ZNF804B: variants seen among roughly 807,000 people sequenced by gnomAD.
The protein encoded by ZNF804B is zinc finger 804B.
A neutral mutation model predicts 101.4 loss-of-function variants in ZNF804B; 80 were observed. The ratio of observed to expected loss-of-function variants is 0.79; its 90% CI spans 0.66 to 0.95. The LOEUF (loss-of-function observed/expected upper bound fraction) is 0.95. Ranked by LOEUF, ZNF804B falls within the 40% of genes least tolerant of loss-of-function variation. ZNF804B has a pLI of 0.00. For missense variants in ZNF804B, 1,673 were observed against 1,561.9 expected (o/e 1.07, Z -1.20); for synonymous variants, 622 against 558.8 (o/e 1.11, Z -1.59).
At chr7:88,844,949 T>C (rs1791346689) in intron 1 of ZNF804B, among the ~76,000 whole-genome samples, 1 of 152,196 alleles carries the variant, frequency 6.6e-6, no homozygotes, top group Non-Finnish European at 1.5e-5. Flanking sequence ...TTTGTGGATC[T>C]GCGAGCTGGA....
chr7:88,815,103 A>C (rs1483090284), intron 1 of ZNF804B, among the ~76,000 whole-genome samples: 1 of 148,576 alleles, frequency 6.7e-6, no homozygotes, highest in Non-Finnish European at 1.5e-5. Context: ...TGTATTATGT[A>C]TATTCTCACA....
chr7:88,909,129 A>T (rs1186060769), intron 1 of ZNF804B, among the ~76,000 whole-genome samples: 1 of 151,838 alleles, frequency 6.6e-6, no homozygotes, highest in African/African-American at 2.4e-5. Context: ...CATATTAAAT[A>T]CAGGTATTCT....
chr7:89,261,923 G>A (rs1033488385), intron 2 of ZNF804B, among the ~76,000 whole-genome samples: 5 of 152,186 alleles, frequency 3.3e-5, no homozygotes, highest in African/African-American at 1.2e-4. Flanking sequence ...ATTTGAATCC[G>A]CTTTTCATCA....
intron 1 of ZNF804B, among the ~76,000 whole-genome samples, chr7:89,155,076 C>T (rs549498686): frequency 3.3e-5 from 5 of 152,094 alleles, no homozygotes; most frequent in Non-Finnish European, 5.9e-5. Context: ...TTAAAAAATC[C>T]ATATATCTTA....
At chr7:88,873,170 T>C (rs1238942065) in intron 1 of ZNF804B, among the ~76,000 whole-genome samples, 3 of 152,212 alleles carry the variant, frequency 2.0e-5, no homozygotes, top group Admixed American at 6.5e-5. Flanking sequence ...TTCTAACTGG[T>C]GTGAGATGGT....
chr7:89,285,262 CCTGTAA>C, intron 2 of ZNF804B, among the ~76,000 whole-genome samples: 1 of 151,580 alleles, frequency 6.6e-6, no homozygotes, highest in South Asian at 2.1e-4. Context: ...GTGGCTCACG[CCTGTAA>C]TCCCAGCACT....
At chr7:89,027,136 TA>T (rs909629404) in intron 1 of ZNF804B, among the ~76,000 whole-genome samples, 15 of 151,992 alleles carry the variant, frequency 9.9e-5, no homozygotes, top group African/African-American at 3.6e-4. Flanking sequence ...TCAAAGAAAG[TA>T]AAACACTGAC....
At position 89,218,215 on chromosome 7, in the gene ZNF804B, T is replaced by C. The variant is rs1033898358; in HGVS notation, c.169T>C (p.Cys57Arg). 1.9e-6 allele frequency: 3 copies of C among 1,613,910 alleles called. No homozygotes were observed. Among genetic ancestry groups the C allele is most frequent in the Non-Finnish European group, 2.5e-6 (3 of 1,179,852 alleles). ...ALEDVKANFYCELCDKQYHKH... is the reference protein window; with the variant it reads ...ALEDVKANFYRELCDKQYHKH... ...GGAAGATGTAAAGGCAAACTTTTAC[T>C]GTGAATTATGTGACAAGCAGTATCA... The change falls in exon 2 of 4, where the codon TGT becomes CGT. Residue 57 changes from cysteine to arginine, a missense_variant. Cys to Arg is a radical substitution (Grantham distance 180). Transcript: ENST00000333190.
chr7:88,955,104 A>AAAAAAAAGG lies in ZNF804B; in HGVS notation c.108+195027_108+195028insGGAAAAAAA, dbSNP rs1292289767. On this transcript the variant is annotated intron_variant, in intron 1 of 3. Transcript: ENST00000333190. The stretch of plus-strand genomic sequence containing the variant: ...GTGAGCCCTTGTCTCTATTTAAAAA[A>AAAAAAAAGG]AAAAAAAAGGAAAAAAAAGTTTTTT... Among the ~76,000 whole-genome samples, 37 of 151,166 alleles carry AAAAAAAAGG rather than the reference A, an allele frequency of 2.4e-4. No homozygotes were observed. In the South Asian group the frequency reaches 7.5e-3, roughly 31 times the overall value.
chr7:89,037,118 C>T (rs1015386893), intron 1 of ZNF804B, among the ~76,000 whole-genome samples: 4 of 152,066 alleles, frequency 2.6e-5, no homozygotes, highest in Admixed American at 2.6e-4. Context: ...ATCAGTTAAT[C>T]ATTCTAACCA....
At chr7:88,924,844 C>A (rs1282367271) in intron 1 of ZNF804B, among the ~76,000 whole-genome samples, 1 of 147,458 alleles carries the variant, frequency 6.8e-6, no homozygotes, top group Non-Finnish European at 1.5e-5. Flanking sequence ...TGTGCCCCCG[C>A]ACACCCAACA....
At chr7:89,236,387 T>G (rs775043534) in intron 2 of ZNF804B, among the ~76,000 whole-genome samples, 13 of 152,090 alleles carry the variant, frequency 8.5e-5, no homozygotes, top group African/African-American at 1.2e-4. Flanking sequence ...CCAACTGTTA[T>G]GAAAATTACA....
At chr7:88,798,832 A>G (rs1022473871) in intron 1 of ZNF804B, among the ~76,000 whole-genome samples, 1 of 152,078 alleles carries the variant, frequency 6.6e-6, no homozygotes, top group Non-Finnish European at 1.5e-5. Context: ...CTTATGTGCC[A>G]TCTATTAAGG....
intron 1 of ZNF804B, among the ~76,000 whole-genome samples, chr7:89,056,890 A>G (rs1464080591): frequency 6.6e-6 from 1 of 152,154 alleles, no homozygotes; most frequent in Non-Finnish European, 1.5e-5. Flanking sequence ...AGAGATGGGA[A>G]GAAACCTCAA....
intron 1 of ZNF804B, among the ~76,000 whole-genome samples, chr7:88,980,190 G>A (rs1793676933): frequency 1.3e-5 from 2 of 151,886 alleles, no homozygotes; most frequent in African/African-American, 4.8e-5. Flanking sequence ...TTATCTGGTA[G>A]CATTTGAATT....
chr7:89,228,210 C>G (rs1457616141), intron 2 of ZNF804B, among the ~76,000 whole-genome samples: 3 of 151,564 alleles, frequency 2.0e-5, no homozygotes, highest in Admixed American at 1.3e-4. Context: ...GTGAGTGTTA[C>G]AGCTCATAAA....
chr7:89,225,830 T>C (rs4140972), intron 2 of ZNF804B, among the ~76,000 whole-genome samples: 89,120 of 151,948 alleles, frequency 0.59, 26,636 homozygotes, highest in African/African-American at 0.62. Flanking sequence ...CAAGGACTTT[T>C]AAGCAAGCAA....
chr7:89,297,167 T>C (rs1172866402), intron 2 of ZNF804B, among the ~76,000 whole-genome samples: 2 of 152,070 alleles, frequency 1.3e-5, no homozygotes, highest in African/African-American at 2.4e-5. Flanking sequence ...ACTAAAACTA[T>C]GTTTTAATTC....
At chr7:88,877,828 T>C (rs1791975405) in intron 1 of ZNF804B, among the ~76,000 whole-genome samples, 1 of 152,158 alleles carries the variant, frequency 6.6e-6, no homozygotes, top group Non-Finnish European at 1.5e-5. Flanking sequence ...CCAATATTTC[T>C]ATAAACTGTA....
Sources: allele counts gnomAD v4.1 joint callset (sites outside exome capture counted in the v4.1 genomes callset), GRCh38; gene constraint gnomAD v4.1.1; transcripts MANE v1.5; gene names NCBI Gene and HGNC (gene_info 2026-07-23, HGNC 2026-07-21).